TTC29: variants seen among roughly 807,000 people sequenced by gnomAD.
TTC29 encodes the protein tetratricopeptide repeat protein 29.
In TTC29, 49 loss-of-function variants were observed where a neutral mutation model predicts 58.1. That is an observed-to-expected ratio of 0.84 (90% CI 0.67 to 1.07). TTC29 has a LOEUF of 1.07. Ranked by LOEUF, TTC29 falls within the 50% of genes least tolerant of loss-of-function variation. The pLI is 0.00. For missense variants in TTC29, 582 were observed against 555.6 expected (o/e 1.05, Z -0.48); for synonymous variants, 209 against 196.8 (o/e 1.06, Z -0.52).
At chr4:146,921,253 G>T (rs1041563887) in intron 4 of TTC29, among the ~76,000 whole-genome samples, 2 of 151,180 alleles carry the variant, frequency 1.3e-5, no homozygotes, top group Non-Finnish European at 3.0e-5. Context: ...TTGTTTTCCT[G>T]AATATCATAT....
intron 11 of TTC29, among the ~76,000 whole-genome samples, chr4:146,727,892 C>A (rs1743911132): frequency 6.6e-6 from 1 of 152,140 alleles, no homozygotes; most frequent in South Asian, 2.1e-4. Context: ...GGCAAGAGTA[C>A]ATTTAGTTTT....
chr4:146,728,778 T>G, intron 11 of TTC29, among the ~76,000 whole-genome samples: 1 of 120,988 alleles, frequency 8.3e-6, no homozygotes, highest in Non-Finnish European at 1.7e-5. Flanking sequence ...TATACACATA[T>G]ATATGTGTAT....
At chr4:146,829,866 T>C (rs936054967) in intron 9 of TTC29, among the ~76,000 whole-genome samples, 1 of 152,200 alleles carries the variant, frequency 6.6e-6, no homozygotes, top group African/African-American at 2.4e-5. Context: ...TTTTTGTGAA[T>C]GTTTTTCTCT....
At position 146,867,550 on chromosome 4, in the gene TTC29, TA is replaced by T; in HGVS notation, c.832del (p.Tyr278ThrfsTer5). 1 of 1,554,836 alleles carries T rather than the reference TA, an allele frequency of 6.4e-7. No individual in the cohort carries two copies. The highest frequency in any genetic ancestry group is 1.2e-5 in the South Asian group (1 of 81,092). On this transcript the variant is annotated frameshift_variant, in exon 8 of 13. Coordinates refer to ENST00000325106, the MANE Select transcript of TTC29 (RefSeq NM_031956.4). LOFTEE classifies it high-confidence loss of function. ...SDKKMEAEAS[Y>X]YLGLAHLAAE... Reference sequence around the variant, plus strand: ...AGCTAAGTGTGCTAAGCCCAAGTAGTAAGAGGCTTCCGCTTCCATCTTTTTG... The same window carrying T: ...AGCTAAGTGTGCTAAGCCCAAGTAGTAGAGGCTTCCGCTTCCATCTTTTTG...
intron 11 of TTC29, among the ~76,000 whole-genome samples, chr4:146,720,086 A>G (rs558043228): frequency 3.9e-5 from 6 of 152,118 alleles, no homozygotes; most frequent in Admixed American, 6.6e-5. Flanking sequence ...ACTTTTCTTT[A>G]TCACTGAGAA....
intron 4 of TTC29, among the ~76,000 whole-genome samples, chr4:146,913,734 A>G (rs1027440065): frequency 2.0e-5 from 3 of 152,076 alleles, no homozygotes; most frequent in Admixed American, 6.6e-5. Flanking sequence ...AAATTCCACC[A>G]TAACCTTTCA....
chr4:146,728,217 C>A (rs1229988602), intron 11 of TTC29, among the ~76,000 whole-genome samples: 1 of 150,346 alleles, frequency 6.7e-6, no homozygotes, highest in Non-Finnish European at 1.5e-5. Flanking sequence ...AACATGGAGG[C>A]AAAGGTTGCA....
At chr4:146,935,396 T>C (rs934113737) in intron 4 of TTC29, among the ~76,000 whole-genome samples, 4 of 152,084 alleles carry the variant, frequency 2.6e-5, no homozygotes, top group Non-Finnish European at 5.9e-5. Context: ...AATAAGGCAG[T>C]AGAGAGAGGG....
At chr4:146,893,024 T>C (rs1449480439) in intron 6 of TTC29, among the ~76,000 whole-genome samples, 1 of 152,046 alleles carries the variant, frequency 6.6e-6, no homozygotes, top group African/African-American at 2.4e-5. Context: ...CTCAATGAAA[T>C]AAAAGAGGAT....
chr4:146,821,202 G>A (rs1751794782), intron 9 of TTC29, among the ~76,000 whole-genome samples: 1 of 152,186 alleles, frequency 6.6e-6, no homozygotes, highest in Non-Finnish European at 1.5e-5. Flanking sequence ...GCTAGAGGCT[G>A]AGGAAAGTGG....
intron 11 of TTC29, among the ~76,000 whole-genome samples, chr4:146,749,094 G>A (rs553986808): frequency 1.3e-5 from 2 of 150,628 alleles, no homozygotes; most frequent in East Asian, 4.0e-4. Context: ...AAGGCAGGAG[G>A]ATTGCTTTTA....
intron 11 of TTC29, among the ~76,000 whole-genome samples, chr4:146,759,773 A>G (rs950591649): frequency 6.6e-6 from 1 of 152,146 alleles, no homozygotes; most frequent in African/African-American, 2.4e-5. Context: ...ATTGGCATAC[A>G]AGGGACATAC....
chr4:146,854,950 T>C (rs1270373140), intron 8 of TTC29, among the ~76,000 whole-genome samples: 1 of 152,142 alleles, frequency 6.6e-6, no homozygotes, highest in African/African-American at 2.4e-5. Flanking sequence ...TTGGTTTCCT[T>C]ATCTTCTTTC....
chr4:146,875,175 G>T (rs2150223437), intron 6 of TTC29, among the ~76,000 whole-genome samples: 1 of 152,216 alleles, frequency 6.6e-6, no homozygotes, highest in African/African-American at 2.4e-5. Context: ...TACTGGGCTT[G>T]CATATGTTTA....
chr4:146,740,521 G>C (rs1745048287), intron 11 of TTC29, among the ~76,000 whole-genome samples: 1 of 152,024 alleles, frequency 6.6e-6, no homozygotes, highest in African/African-American at 2.4e-5. Context: ...TGTTGTGTAT[G>C]TTTTGCCCAC....
chr4:146,794,209 A>C (rs554958099), intron 11 of TTC29, among the ~76,000 whole-genome samples: 130 of 152,264 alleles, frequency 8.5e-4, no homozygotes, highest in Non-Finnish European at 1.4e-3. Flanking sequence ...TTCACATGAG[A>C]GGTAGTTAAT....
intron 8 of TTC29, among the ~76,000 whole-genome samples, chr4:146,864,391 A>T (rs1454890417): frequency 6.6e-6 from 1 of 152,118 alleles, no homozygotes; most frequent in Non-Finnish European, 1.5e-5. Context: ...AAGTCCAGAG[A>T]CTTAGATTAG....
intron 10 of TTC29, among the ~76,000 whole-genome samples, chr4:146,816,211 C>A (rs1282881388): frequency 6.6e-6 from 1 of 152,106 alleles, no homozygotes; most frequent in Non-Finnish European, 1.5e-5. Context: ...TATATGCCTT[C>A]AAATATACAA....
intron 11 of TTC29, among the ~76,000 whole-genome samples, chr4:146,716,396 C>T (rs1044370020): frequency 7.9e-5 from 12 of 151,980 alleles, no homozygotes; most frequent in African/African-American, 2.4e-4. Context: ...TACTTTAGAA[C>T]AGAGAATTAT....
Sources: gnomAD v4.1 joint callset for allele counts (sites outside exome capture counted in the v4.1 genomes callset) on GRCh38, gnomAD v4.1.1 for gene constraint, MANE v1.5 for transcripts, NCBI Gene and HGNC (gene_info 2026-07-23, HGNC 2026-07-21) for gene names.